Variants in KLF12 observed in about 807,000 individuals in gnomAD.
The protein encoded by KLF12 is Krueppel-like factor 12.
KLF12 carries 9 observed loss-of-function variants against 37.8 expected under a neutral mutation model. The observed-to-expected ratio is 0.24, with a 90% CI of 0.14 to 0.42. The LOEUF (loss-of-function observed/expected upper bound fraction) is 0.42, where lower values mean the gene tolerates loss of function less well. Ranked by LOEUF, KLF12 falls within the 10% of genes least tolerant of loss-of-function variation. The pLI is 1.00. For synonymous variants in KLF12, 208 were observed against 202.1 expected (o/e 1.03, Z -0.25); for missense variants, 411 against 516.0 (o/e 0.80, Z 1.97).
At chr13:73,916,129 G>A (rs1480494324) in intron 3 of KLF12, among the ~76,000 whole-genome samples, 1 of 151,028 alleles carries the variant, frequency 6.6e-6, no homozygotes, top group Non-Finnish European at 1.5e-5. Flanking sequence ...GAATAATTTG[G>A]CTTTCATAAT....
At chr13:74,245,299 AT>A in the KLF12 span, among the ~76,000 whole-genome samples, 1 of 120,308 alleles carries the variant, frequency 8.3e-6, no homozygotes, top group Non-Finnish European at 1.7e-5. Context: ...AAGTTTATCT[AT>A]CTATCTATCT....
At chr13:73,993,057 C>T (rs1350638362) in intron 2 of KLF12, among the ~76,000 whole-genome samples, 2 of 152,246 alleles carry the variant, frequency 1.3e-5, no homozygotes, top group African/African-American at 4.8e-5. Flanking sequence ...CGCGGTGAAA[C>T]CCTGTCTCTA....
At chr13:73,801,197 A>C (rs949955348) in intron 5 of KLF12, 3 of 152,086 alleles carry the variant, frequency 2.0e-5, no homozygotes, top group Admixed American at 2.0e-4. Context: ...GATGCGGGTA[A>C]GTAAATGTAT....
chr13:73,696,566 A>G (rs190082449), intron 7 of KLF12, among the ~76,000 whole-genome samples: 43 of 152,306 alleles, frequency 2.8e-4, no homozygotes, highest in African/African-American at 1.0e-3. Context: ...ATGCAACCCC[A>G]CAAAAACTGA....
chr13:73,762,811 C>T (rs566429913), intron 6 of KLF12, among the ~76,000 whole-genome samples: 1 of 152,294 alleles, frequency 6.6e-6, no homozygotes, highest in East Asian at 1.9e-4. Flanking sequence ...TATCACTTTA[C>T]TAGAAGTACA....
At chr13:73,967,828 G>A (rs1343426887) in intron 2 of KLF12, among the ~76,000 whole-genome samples, 2 of 152,130 alleles carry the variant, frequency 1.3e-5, no homozygotes, top group African/African-American at 2.4e-5. Context: ...TTTTCCTGAT[G>A]ACTCAGACTA....
chr13:73,796,160 C>T (rs1008899766), intron 5 of KLF12, among the ~76,000 whole-genome samples: 12 of 152,240 alleles, frequency 7.9e-5, no homozygotes, highest in African/African-American at 2.9e-4. Context: ...TCATTCCAAT[C>T]GATCTCTAGT....
the KLF12 span, among the ~76,000 whole-genome samples, chr13:74,181,688 T>G: frequency 7.6e-6 from 1 of 131,380 alleles, no homozygotes. Flanking sequence ...GACAGCAGAG[T>G]GAGATTCTGT....
chr13:74,161,248 C>G, the KLF12 span, among the ~76,000 whole-genome samples: 171 of 152,018 alleles, frequency 1.1e-3, 2 homozygotes, highest in Middle Eastern at 0.02. Context: ...ATAGTGTCCT[C>G]CCAAAATTTA....
the KLF12 span, among the ~76,000 whole-genome samples, chr13:74,144,597 G>A: frequency 4.2e-3 from 646 of 152,212 alleles, 6 homozygotes; most frequent in African/African-American, 0.015. Context: ...ATATATGTAT[G>A]GCTGAACATT....
At chr13:74,267,521 G>A in the KLF12 span, among the ~76,000 whole-genome samples, 3 of 152,206 alleles carry the variant, frequency 2.0e-5, no homozygotes, top group Non-Finnish European at 4.4e-5. Flanking sequence ...ATACGTGGGA[G>A]CTTTAAAAGT....
At chr13:73,831,926 A>G (rs924753655) in intron 4 of KLF12, among the ~76,000 whole-genome samples, 5 of 152,250 alleles carry the variant, frequency 3.3e-5, no homozygotes, top group African/African-American at 1.2e-4. Context: ...AGTTATAAAA[A>G]TAACGATTGA....
intron 1 of KLF12, among the ~76,000 whole-genome samples, chr13:74,018,119 G>A (rs184128455): frequency 1.4e-4 from 21 of 149,736 alleles, no homozygotes; most frequent in African/African-American, 4.7e-4. Flanking sequence ...ATATACACAC[G>A]ATTCAGCCAT....
At chr13:74,001,402 T>C (rs1039520073) in intron 1 of KLF12, among the ~76,000 whole-genome samples, 10 of 152,232 alleles carry the variant, frequency 6.6e-5, no homozygotes, top group Admixed American at 2.0e-4. Flanking sequence ...TACAAATGCA[T>C]AGTTCACACA....
intron 1 of KLF12, among the ~76,000 whole-genome samples, chr13:74,075,470 T>A (rs1035399595): frequency 3.3e-5 from 5 of 152,208 alleles, no homozygotes; most frequent in African/African-American, 1.2e-4. Flanking sequence ...CCATGCCAGA[T>A]TAAATTACCC....
chr13:73,820,816 T>C (rs772815470), intron 4 of KLF12, among the ~76,000 whole-genome samples: 12 of 152,246 alleles, frequency 7.9e-5, no homozygotes, highest in Non-Finnish European at 1.5e-4. Flanking sequence ...GTAATGCTGT[T>C]GGACCTCTCT....
chr13:73,837,541 C>G (rs1054769500), intron 4 of KLF12, among the ~76,000 whole-genome samples: 14 of 152,152 alleles, frequency 9.2e-5, no homozygotes, highest in African/African-American at 1.2e-4. Flanking sequence ...GGGTTCTGAA[C>G]TCACAGTGAA....
chr13:73,904,175 A>G (rs1888164406), intron 3 of KLF12, among the ~76,000 whole-genome samples: 1 of 152,186 alleles, frequency 6.6e-6, no homozygotes, highest in Non-Finnish European at 1.5e-5. Flanking sequence ...TGACTTTCAG[A>G]TTTTAAAAAG....
At chr13:73,983,219 C>T (rs778558797) in intron 2 of KLF12, among the ~76,000 whole-genome samples, 1 of 152,148 alleles carries the variant, frequency 6.6e-6, no homozygotes, top group Non-Finnish European at 1.5e-5. Context: ...TCAACCAGAA[C>T]GCCAGGCAAC....
Sources: allele counts gnomAD v4.1 joint callset (sites outside exome capture counted in the v4.1 genomes callset), GRCh38; gene constraint gnomAD v4.1.1; transcripts MANE v1.5; gene names NCBI Gene and HGNC (gene_info 2026-07-23, HGNC 2026-07-21).